Variants in TOP1 observed in about 807,000 individuals in gnomAD.
TOP1 encodes DNA topoisomerase 1.
TOP1 carries 10 observed loss-of-function variants against 111.1 expected under a neutral mutation model. That is an observed-to-expected ratio of 0.09 (90% CI 0.06 to 0.15). The LOEUF (loss-of-function observed/expected upper bound fraction) is 0.15, where lower values mean the gene tolerates loss of function less well. Ranked by LOEUF, TOP1 falls within the 10% of genes least tolerant of loss-of-function variation. The pLI is 1.00. For missense variants in TOP1, 474 were observed against 926.7 expected (o/e 0.51, Z 6.34); for synonymous variants, 271 against 302.9 (o/e 0.89, Z 1.10).
intron 3 of TOP1, among the ~76,000 whole-genome samples, chr20:41,062,368 T>TA (rs1312622643): frequency 2.0e-5 from 3 of 152,246 alleles, no homozygotes; most frequent in Non-Finnish European, 4.4e-5. Context: ...CTAAGTCTGT[T>TA]CTTTTTCGCG....
chr20:41,114,223 T>C lies in TOP1; in HGVS notation c.1638+68T>C. Reference sequence around the variant, plus strand: ...TCAACAAGCATGGGTTGACTGCTTTTTTGTGTGCTTTGCACTTTGCTGGGC... The same window carrying C: ...TCAACAAGCATGGGTTGACTGCTTTCTTGTGTGCTTTGCACTTTGCTGGGC... On this transcript the variant is annotated intron_variant, in intron 15 of 20. Coordinates refer to ENST00000361337, the MANE Select transcript of TOP1 (RefSeq NM_003286.4). This position sits in a 1 kb window ranked among gnomAD's most constrained non-coding sequence, Gnocchi z 4.5. 7.1e-7 allele frequency: 1 copy of C among 1,412,938 alleles called. No homozygotes were observed. The highest frequency in any genetic ancestry group is 1.8e-5 in the Admixed American group (1 of 54,106). The allele number at this position is 1,412,938 out of a possible 1,614,324, so 87.5% of individuals were successfully genotyped here. A position where few individuals can be genotyped will look rare whatever the true frequency, so the allele number is the denominator to read the frequency against.
chr20:41,113,451 C>T (rs1277239125), intron 14 of TOP1, among the ~76,000 whole-genome samples: 1 of 152,036 alleles, frequency 6.6e-6, no homozygotes, highest in Non-Finnish European at 1.5e-5. Context: ...GAATATTTAA[C>T]ATCCCTATAG....
Position 41,080,064 on chromosome 20 carries a change from A to C in TOP1, c.336-21A>C, listed in dbSNP as rs376969561. 3 of 1,480,992 alleles carry C rather than the reference A, an allele frequency of 2.0e-6. No homozygotes were observed. In the South Asian group the frequency reaches 3.5e-5, roughly 17 times the overall value. 91.7% of individuals were successfully genotyped at this position (1,480,992 alleles called of 1,614,324 possible). A position where few individuals can be genotyped will look rare whatever the true frequency, so the allele number is the denominator to read the frequency against. ...ATACAGATGTTCTAGCACTCTGACCAGCAATTTTTTTTCTCTTTAGTCCAC... is the reference window on the plus strand; with the variant it reads ...ATACAGATGTTCTAGCACTCTGACCCGCAATTTTTTTTCTCTTTAGTCCAC... On this transcript the variant is annotated intron_variant, in intron 5 of 20. Transcript: ENST00000361337. This position sits in a 1 kb window ranked among gnomAD's most constrained non-coding sequence, Gnocchi z 5.0.
intron 17 of TOP1, among the ~76,000 whole-genome samples, chr20:41,117,427 C>T (rs1163784035): frequency 7.0e-6 from 1 of 143,188 alleles, no homozygotes; most frequent in African/African-American, 2.7e-5. Context: ...TTGCTGTCAC[C>T]CAGGTTGGAG....
At position 41,032,704 on chromosome 20, in the gene TOP1, T is replaced by C. The variant is rs1007957301; in HGVS notation, c.58+3249T>C. 6.6e-6 allele frequency among the ~76,000 whole-genome samples: 1 copy of C among 152,236 alleles called. No individual in the cohort carries two copies. The highest frequency in any genetic ancestry group is 1.5e-5 in the Non-Finnish European group (1 of 68,040). ...TGGTTTGACATCATCTTGTGCTGAT[T>C]CTGGTTGGCTTAATGGAATCAAATT... On this transcript the variant is annotated intron_variant, in intron 2 of 20. Transcript: ENST00000361337. The surrounding 1 kb of genome is among the most constrained non-coding windows in gnomAD (Gnocchi z 4.3).
In TOP1 at chr20:41,075,117, CTGT is replaced by C. The variant is rs531496328; in HGVS notation, c.156-1037_156-1035del. Among the ~76,000 whole-genome samples, 207 of 151,782 alleles carry C rather than the reference CTGT, an allele frequency of 1.4e-3. 1 individual carries two copies. The highest frequency in any genetic ancestry group is 2.1e-3 in the South Asian group (10 of 4,796). On this transcript the variant is annotated intron_variant, in intron 3 of 20. Transcript: ENST00000361337. The stretch of plus-strand genomic sequence containing the variant: ...TTTGTTTGTTCGTTTTTGTTTTTTT[CTGT>C]TGTTGTTGTTGTTGTTTAAGGGAAG...
chr20:41,038,724 G>T (rs1412343213), intron 2 of TOP1, among the ~76,000 whole-genome samples: 1 of 152,148 alleles, frequency 6.6e-6, no homozygotes, highest in Non-Finnish European at 1.5e-5. Flanking sequence ...GGAGGCTCAT[G>T]CCTATAATCC....
intron 4 of TOP1, 98 bp from the exon 5 acceptor site, chr20:41,077,484 T>C: frequency 1.1e-6 from 1 of 950,898 alleles, no homozygotes; most frequent in South Asian, 1.5e-5. Context: ...CAGCTTGTGA[T>C]CATGATGTCC....
chr20:41,069,123 C>A lies in TOP1; in HGVS notation c.156-7048C>A, dbSNP rs551441790. On this transcript the variant is annotated intron_variant, in intron 3 of 20. Coordinates refer to ENST00000361337, the MANE Select transcript of TOP1 (RefSeq NM_003286.4). The surrounding 1 kb of genome is among the most constrained non-coding windows in gnomAD (Gnocchi z 4.1). ...TAAGGATGCTTTTGGCTTCTGCTTT[C>A]CTTTTAGTTCCAAATCCTACCTGAA... Among the ~76,000 whole-genome samples the A allele has an allele frequency of 1.3e-5, 2 of 152,186 alleles. No individual in the cohort carries two copies. The highest frequency in any genetic ancestry group is 2.9e-5 in the Non-Finnish European group (2 of 68,044).
In TOP1 at chr20:41,122,117, C is replaced by T; in HGVS notation, c.2157C>T (p.Ser719=). The T allele has an allele frequency of 6.2e-7, 1 of 1,614,180 alleles. No homozygotes were observed. The highest frequency in any genetic ancestry group is 8.5e-7 in the Non-Finnish European group (1 of 1,180,018). The part of the protein sequence containing the change: ...EENKQIALGT[S]KLNYLDPRIT... The stretch of plus-strand genomic sequence containing the variant: ...ATAAACAGATTGCCCTGGGAACCTC[C>T]AAACTCAATTATCTGGACCCTAGGA... The change falls in exon 20 of 21, where the codon TCC becomes TCT. Residue 719 remains serine (S), a synonymous_variant. Transcript: ENST00000361337. This position sits in a 1 kb window ranked among gnomAD's most constrained non-coding sequence, Gnocchi z 5.4.
chr20:41,070,048 A>T (rs972076044), intron 3 of TOP1, among the ~76,000 whole-genome samples: 15 of 152,196 alleles, frequency 9.9e-5, no homozygotes, highest in African/African-American at 3.6e-4. Context: ...AAAAGTTGGA[A>T]CTTGTTACTT....
Position 41,118,482 on chromosome 20 carries a change from C to T in TOP1, c.1950+186C>T, listed in dbSNP as rs867695979. Among the ~76,000 whole-genome samples the T allele has an allele frequency of 3.3e-5, 5 of 152,152 alleles. No individual in the cohort carries two copies. Among genetic ancestry groups the T allele is most frequent in the Non-Finnish European group, 7.4e-5 (5 of 68,022 alleles). On this transcript the variant is annotated intron_variant, in intron 18 of 20. Transcript: ENST00000361337. This position sits in a 1 kb window ranked among gnomAD's most constrained non-coding sequence, Gnocchi z 4.6. ...TCAAGATACTGAATATCAGAGTATC[C>T]ATTATTCAAGAAATCTTTATTCTAC...
In TOP1 at chr20:41,079,165, G is replaced by A. The variant is rs374163423; in HGVS notation, c.336-920G>A. Among the ~76,000 whole-genome samples the A allele has an allele frequency of 1.3e-5, 2 of 152,242 alleles. No individual in the cohort carries two copies. The highest frequency in any genetic ancestry group is 2.1e-4 in the South Asian group (1 of 4,824). On this transcript the variant is annotated intron_variant, in intron 5 of 20. Coordinates refer to ENST00000361337, the MANE Select transcript of TOP1 (RefSeq NM_003286.4). The surrounding 1 kb of genome is among the most constrained non-coding windows in gnomAD (Gnocchi z 4.0). ...GCTTTTTTTGGTCGGAGGTACTCTT[G>A]AAACCCTGTGAATATACTTTGCAGT... is the stretch of plus-strand genomic sequence containing the variant.
At position 41,100,032 on chromosome 20, in the gene TOP1, G is replaced by A. The variant is rs2034037748; in HGVS notation, c.976-24G>A. The A allele has an allele frequency of 6.4e-7, 1 of 1,551,098 alleles. No individual in the cohort carries two copies. On this transcript the variant is annotated intron_variant, in intron 11 of 20. Coordinates refer to ENST00000361337, the MANE Select transcript of TOP1 (RefSeq NM_003286.4). This position sits in a 1 kb window ranked among gnomAD's most constrained non-coding sequence, Gnocchi z 4.4. ...GAGAACAGCAATCTGAATCTATTTT[G>A]AGTACTTTCTTGCTGTCTTCCAGAA...
intron 13 of TOP1, among the ~76,000 whole-genome samples, chr20:41,104,332 G>T (rs1161137822): frequency 6.6e-6 from 1 of 152,212 alleles, no homozygotes; most frequent in East Asian, 1.9e-4. Context: ...ACAAGAAGTA[G>T]AGAGATCAAT....
chr20:41,120,252 C>G (rs2034400666), intron 18 of TOP1, among the ~76,000 whole-genome samples: 1 of 152,222 alleles, frequency 6.6e-6, no homozygotes, highest in Admixed American at 6.5e-5. Context: ...AATCAGTCCC[C>G]TCAGTTTGGC....
rs1252276801 is a variant in TOP1 at position 41,029,539 on chromosome 20, A to G, written c.58+84A>G. On this transcript the variant is annotated intron_variant, in intron 2 of 20. Coordinates refer to ENST00000361337, the MANE Select transcript of TOP1 (RefSeq NM_003286.4). The surrounding 1 kb of genome is among the most constrained non-coding windows in gnomAD (Gnocchi z 6.1). ...GCCCTGCCGGTGCCGGGCAGAGGAC[A>G]GACATGGCGTCCCAGAGACTAAGTC... 2 of 1,109,292 alleles carry G rather than the reference A, an allele frequency of 1.8e-6. No homozygotes were observed. The highest frequency in any genetic ancestry group is 4.0e-5 in the Admixed American group (2 of 50,006). The allele number at this position is 1,109,292 out of a possible 1,614,324, so 68.7% of individuals were successfully genotyped here.
intron 3 of TOP1, among the ~76,000 whole-genome samples, chr20:41,068,952 A>G (rs903701481): frequency 1.8e-4 from 27 of 152,206 alleles, no homozygotes; most frequent in Admixed American, 2.0e-4. Flanking sequence ...TCTCTTGCCA[A>G]TTTTAAACCT....
At chr20:41,065,464 C>T (rs2033595620) in intron 3 of TOP1, among the ~76,000 whole-genome samples, 1 of 152,186 alleles carries the variant, frequency 6.6e-6, no homozygotes, top group Non-Finnish European at 1.5e-5. Context: ...AGTACATTGA[C>T]AATAGTATGC....
Sources: allele counts gnomAD v4.1 joint callset (sites outside exome capture counted in the v4.1 genomes callset), GRCh38; gene constraint gnomAD v4.1.1; non-coding constraint Gnocchi (gnomAD v3.1); transcripts MANE v1.5; gene names NCBI Gene and HGNC (gene_info 2026-07-23, HGNC 2026-07-21).